CPVL: variants seen among roughly 807,000 people sequenced by gnomAD.
CPVL encodes probable serine carboxypeptidase CPVL.
In CPVL, 51 loss-of-function variants were observed where a neutral mutation model predicts 63.7. The observed-to-expected ratio is 0.80, with a 90% CI of 0.64 to 1.01. The LOEUF is 1.01. Among genes scored for constraint, CPVL ranks in the 50% least tolerant of loss-of-function variants. The pLI is 0.00. For missense variants in CPVL, 530 were observed against 573.1 expected (o/e 0.92, Z 0.77); for synonymous variants, 195 against 206.0 (o/e 0.95, Z 0.46).
At chr7:29,103,738 C>T (rs567127380) in intron 3 of CPVL, among the ~76,000 whole-genome samples, 14 of 152,282 alleles carry the variant, frequency 9.2e-5, no homozygotes, top group East Asian at 7.7e-4. Context: ...AGGAATGCCA[C>T]GCTTGGTTAG....
intron 12 of CPVL, among the ~76,000 whole-genome samples, chr7:28,998,132 T>C (rs1157575553): frequency 6.6e-6 from 1 of 152,224 alleles, no homozygotes. Context: ...AATCCCAGGC[T>C]AGACATTTCT....
At chr7:29,146,868 G>C (rs753043260), upstream of CPVL, 71 of 1,551,054 alleles carry the variant, frequency 4.6e-5, no homozygotes, top group Non-Finnish European at 5.4e-5. Context: ...GCAAGCCCAG[G>C]ATTTACATTT....
intron 12 of CPVL, among the ~76,000 whole-genome samples, chr7:29,025,985 CA>C (rs1334590505): frequency 2.0e-5 from 3 of 152,256 alleles, no homozygotes; most frequent in Non-Finnish European, 2.9e-5. Context: ...CAGACATTTA[CA>C]GAACATGTTA....
chr7:28,997,404 A>C (rs986654162), intron 12 of CPVL, among the ~76,000 whole-genome samples: 2 of 152,354 alleles, frequency 1.3e-5, no homozygotes, highest in East Asian at 3.9e-4. Flanking sequence ...CAGAAAAAGT[A>C]TATTTGGATA....
chr7:29,028,309 C>A (rs1787687781), intron 12 of CPVL, among the ~76,000 whole-genome samples: 1 of 151,954 alleles, frequency 6.6e-6, no homozygotes. Flanking sequence ...AAAACGAAAC[C>A]CCTATCTCTC....
chr7:29,164,600 G>A (rs1795647969), intron 5 of CPVL, among the ~76,000 whole-genome samples: 1 of 151,714 alleles, frequency 6.6e-6, no homozygotes, highest in Admixed American at 6.6e-5. Flanking sequence ...GAGCAACATG[G>A]CAAAACCCCA....
chr7:29,156,219 T>C (rs925212481), intron 5 of CPVL, among the ~76,000 whole-genome samples: 1 of 152,204 alleles, frequency 6.6e-6, no homozygotes, highest in Non-Finnish European at 1.5e-5. Flanking sequence ...TGTTTAGAAG[T>C]TCTTCTGTGG....
intron 12 of CPVL, among the ~76,000 whole-genome samples, chr7:29,018,599 G>C (rs1218626858): frequency 3.3e-5 from 5 of 151,928 alleles, no homozygotes; most frequent in Non-Finnish European, 7.4e-5. Context: ...GGCTGGTCTC[G>C]AACTCCTGGC....
intron 5 of CPVL, among the ~76,000 whole-genome samples, chr7:29,175,328 C>T (rs1797161734): frequency 6.6e-6 from 1 of 152,038 alleles, no homozygotes; most frequent in Admixed American, 6.6e-5. Context: ...GCGCATGCCA[C>T]CACGCCTGAC....
chr7:29,020,883 A>G (rs1200033185), intron 12 of CPVL, among the ~76,000 whole-genome samples: 2 of 152,254 alleles, frequency 1.3e-5, no homozygotes, highest in South Asian at 2.1e-4. Context: ...TCATATTAAG[A>G]TGATGTTACA....
At chr7:29,064,040 T>G in intron 11 of CPVL, 21 bp downstream of exon 11, 1 of 1,551,756 alleles carries the variant, frequency 6.4e-7, no homozygotes, top group Non-Finnish European at 8.9e-7. Context: ...CCTAAAATAG[T>G]AACTGAAGTA....
In CPVL at chr7:29,086,787, T is replaced by C. The variant is rs535652688; in HGVS notation, c.543-237A>G. 3.3e-5 allele frequency among the ~76,000 whole-genome samples: 5 copies of C among 152,350 alleles called. 1 individual carries two copies. The South Asian group carries it at 6.2e-4, about 19-fold the overall frequency. On this transcript the variant is annotated intron_variant, in intron 6 of 12. Coordinates refer to ENST00000265394, the MANE Select transcript of CPVL (RefSeq NM_031311.5). The stretch of plus-strand genomic sequence containing the variant: ...TACTCTGGGCATGTTTCCAAATTAC[T>C]GATATACCAGTTTGGATCATCTAAC...
rs1288962941 is a variant in CPVL, at chr7:29,075,962, T to TTTC, written c.610-3540_610-3539insGAA. On this transcript the variant is annotated intron_variant, in intron 7 of 12. Transcript: ENST00000265394. The stretch of plus-strand genomic sequence containing the variant: ...CACTCTCCTTGTTGAGATAGTTTTT[T>TTTC]TTTTTTTGGCAAGATCAGACTCATT... 2.6e-4 allele frequency among the ~76,000 whole-genome samples: 38 copies of TTTC among 148,514 alleles called. 1 individual carries two copies. The highest frequency in any genetic ancestry group is 5.1e-4 in the Non-Finnish European group (34 of 67,216).
intron 11 of CPVL, among the ~76,000 whole-genome samples, chr7:29,032,965 C>T (rs1470881707): frequency 6.6e-6 from 1 of 152,098 alleles, no homozygotes; most frequent in Non-Finnish European, 1.5e-5. Flanking sequence ...TCTTGTTAGT[C>T]AAGACTTATC....
chr7:29,128,714 CAAAAA>C (rs60764606), intron 1 of CPVL, among the ~76,000 whole-genome samples: 4 of 133,402 alleles, frequency 3.0e-5, no homozygotes, highest in South Asian at 5.2e-4. Flanking sequence ...GACTCTGTCT[CAAAAA>C]AAAAAAAAAA....
At chr7:29,101,973 G>A (rs1014243568) in intron 3 of CPVL, among the ~76,000 whole-genome samples, 2 of 152,032 alleles carry the variant, frequency 1.3e-5, no homozygotes, top group African/African-American at 2.4e-5. Context: ...TGCACTCTAC[G>A]AATTTACCAC....
chr7:29,192,408 T>G (rs39048), intron 1 of CPVL: 135,672 of 152,272 alleles, frequency 0.89, 60,679 homozygotes, highest in East Asian at 0.98. Flanking sequence ...TGCAGAAACA[T>G]AATCTGTTGT....
chr7:29,107,935 C>A (rs1232594084), intron 3 of CPVL, among the ~76,000 whole-genome samples: 1 of 152,218 alleles, frequency 6.6e-6, no homozygotes, highest in African/African-American at 2.4e-5. Flanking sequence ...GGGACATGCT[C>A]TTCTACTGCC....
intron 3 of CPVL, among the ~76,000 whole-genome samples, chr7:29,107,264 A>C (rs990570463): frequency 4.6e-5 from 7 of 152,232 alleles, no homozygotes; most frequent in African/African-American, 1.7e-4. Context: ...GGACTGCCCA[A>C]GGGCACATAC....
Sources: allele counts gnomAD v4.1 joint callset (sites outside exome capture counted in the v4.1 genomes callset), GRCh38; gene constraint gnomAD v4.1.1; transcripts MANE v1.5; gene names NCBI Gene and HGNC (gene_info 2026-07-23, HGNC 2026-07-21).